CDH13: variants seen among roughly 807,000 people sequenced by gnomAD.
The protein encoded by CDH13 is cadherin-13.
CDH13 carries 24 observed loss-of-function variants against 63.8 expected under a neutral mutation model. The ratio of observed to expected loss-of-function variants is 0.38; its 90% CI spans 0.27 to 0.53. The LOEUF is 0.53. Ranked by LOEUF, CDH13 falls within the 20% of genes least tolerant of loss-of-function variation. CDH13 has a pLI of 0.85. For synonymous variants in CDH13, 503 were observed against 355.3 expected (o/e 1.42, Z -4.67); for missense variants, 1,049 against 903.1 (o/e 1.16, Z -2.07).
intron 7 of CDH13, among the ~76,000 whole-genome samples, chr16:83,503,009 C>G (rs1889617630): frequency 6.6e-6 from 1 of 152,184 alleles, no homozygotes; most frequent in Admixed American, 6.5e-5. Context: ...CACAGCGGAG[C>G]TCGTTGGTTA....
chr16:83,483,298 G>A (rs1431219165), intron 6 of CDH13, among the ~76,000 whole-genome samples: 8 of 152,238 alleles, frequency 5.3e-5, no homozygotes, highest in Non-Finnish European at 7.4e-5. Context: ...GCTTAAGACC[G>A]AGTTCACCTG....
At chr16:82,664,833 A>G (rs1912397815) in intron 1 of CDH13, among the ~76,000 whole-genome samples, 1 of 152,226 alleles carries the variant, frequency 6.6e-6, no homozygotes, top group African/African-American at 2.4e-5. Context: ...TATATTTGAT[A>G]CAGATATTGG....
Position 83,143,037 on chromosome 16 carries a change from G to C in CDH13, c.483+17536G>C, listed in dbSNP as rs551950892. ...GAAAATCGCTTGAACCCGGGAGGCG[G>C]AGGTTGCCATAAGCCAAGATCGTGC... On this transcript the variant is annotated intron_variant, in intron 4 of 13. Coordinates refer to ENST00000567109, the MANE Select transcript of CDH13 (RefSeq NM_001257.5). Among the ~76,000 whole-genome samples the C allele has an allele frequency of 1.7e-3, 254 of 152,264 alleles. 1 individual carries two copies. Among genetic ancestry groups the C allele is most frequent in the Non-Finnish European group, 2.7e-3 (186 of 68,032 alleles).
intron 7 of CDH13, among the ~76,000 whole-genome samples, chr16:83,534,758 A>C (rs1020554949): frequency 1.3e-5 from 2 of 152,186 alleles, no homozygotes; most frequent in African/African-American, 2.4e-5. Flanking sequence ...CTTCCTCACT[A>C]TTATGAGCAA....
chr16:83,199,233 G>T (rs544608421), intron 4 of CDH13, among the ~76,000 whole-genome samples: 7 of 152,350 alleles, frequency 4.6e-5, no homozygotes, highest in Non-Finnish European at 1.0e-4. Flanking sequence ...CTTGGGATGT[G>T]AGCATGCTTG....
intron 1 of CDH13, among the ~76,000 whole-genome samples, chr16:82,651,849 C>G (rs1331739144): frequency 6.6e-6 from 1 of 152,108 alleles, no homozygotes; most frequent in Admixed American, 6.6e-5. Flanking sequence ...GGTCTTGGAC[C>G]TTGGGATTTA....
chr16:82,786,725 A>C lies in CDH13; in HGVS notation c.46-71637A>C, dbSNP rs565739351. Among the ~76,000 whole-genome samples the C allele has an allele frequency of 2.8e-4, 39 of 139,194 alleles. 1 individual carries two copies. The highest frequency in any genetic ancestry group is 9.4e-4 in the African/African-American group (35 of 37,154). The allele number at this position is 139,194 out of a possible 152,430, so 91.3% of individuals were successfully genotyped here. ...TGTGTCCAAGCGTTCTCATTGTTCA[A>C]TTCCCACCTATGAGTGAGAACATGC... is the stretch of plus-strand genomic sequence containing the variant. On this transcript the variant is annotated intron_variant, in intron 1 of 13. Transcript: ENST00000567109.
chr16:82,847,686 C>T (rs1472488834), intron 1 of CDH13, among the ~76,000 whole-genome samples: 2 of 152,128 alleles, frequency 1.3e-5, no homozygotes, highest in Middle Eastern at 6.3e-3. Context: ...GTGAGGACAT[C>T]TTTAGGGGAC....
In CDH13 at chr16:83,627,406, C is replaced by T. The variant is rs147615317; in HGVS notation, c.1101+24812C>T. On this transcript the variant is annotated intron_variant, in intron 8 of 13. Transcript: ENST00000567109. ...ACAGCGAAGCAGAATTCCTGAGAGG[C>T]CTCTGATCTGAATAGTGCCAACTCC... 1.5e-4 allele frequency among the ~76,000 whole-genome samples: 23 copies of T among 152,314 alleles called. No individual in the cohort carries two copies. The East Asian group carries it at 4.4e-3, about 29-fold the overall frequency.
chr16:82,922,871 G>T (rs1409304628), intron 2 of CDH13, among the ~76,000 whole-genome samples: 2 of 152,086 alleles, frequency 1.3e-5, no homozygotes, highest in African/African-American at 4.8e-5. Context: ...GGGTATACAG[G>T]CCTACCTTGT....
intron 6 of CDH13, among the ~76,000 whole-genome samples, chr16:83,467,082 A>C (rs980254268): frequency 2.0e-5 from 3 of 152,160 alleles, no homozygotes; most frequent in African/African-American, 7.2e-5. Context: ...ATTTCTCCAT[A>C]AAATTTACTT....
chr16:82,686,935 A>T (rs1156553501), intron 1 of CDH13, among the ~76,000 whole-genome samples: 1 of 152,232 alleles, frequency 6.6e-6, no homozygotes, highest in Non-Finnish European at 1.5e-5. Flanking sequence ...TCTGTTTTTC[A>T]TCAAAATGCT....
chr16:83,409,322 A>G (rs944648433), intron 6 of CDH13, among the ~76,000 whole-genome samples: 1 of 152,082 alleles, frequency 6.6e-6, no homozygotes, highest in Non-Finnish European at 1.5e-5. Flanking sequence ...ATCCCCCAGC[A>G]CTCCTGGGCT....
chr16:82,748,143 C>G (rs2034259357), intron 1 of CDH13, among the ~76,000 whole-genome samples: 1 of 152,152 alleles, frequency 6.6e-6, no homozygotes, highest in Admixed American at 6.5e-5. Context: ...GACTCCCTGG[C>G]ATTTCAGCAT....
intron 3 of CDH13, among the ~76,000 whole-genome samples, chr16:83,066,288 A>T (rs2032003985): frequency 6.6e-6 from 1 of 152,198 alleles, no homozygotes; most frequent in African/African-American, 2.4e-5. Flanking sequence ...GCTTCCTAAG[A>T]CATGAGACTT....
intron 1 of CDH13, among the ~76,000 whole-genome samples, chr16:82,803,776 G>T (rs1234174788): frequency 8.6e-5 from 13 of 151,956 alleles, no homozygotes; most frequent in Non-Finnish European, 1.5e-5. Flanking sequence ...AAAATAGTCA[G>T]ACTAATAGAA....
intron 6 of CDH13, among the ~76,000 whole-genome samples, chr16:83,468,107 G>T (rs1487226890): frequency 1.3e-5 from 2 of 152,184 alleles, no homozygotes; most frequent in African/African-American, 4.8e-5. Flanking sequence ...TCACTGGCAT[G>T]ATGAGATCAA....
At chr16:83,661,885 T>C (rs1417378519) in intron 8 of CDH13, among the ~76,000 whole-genome samples, 1 of 152,184 alleles carries the variant, frequency 6.6e-6, no homozygotes, top group East Asian at 1.9e-4. Context: ...AGTGAATGTT[T>C]CCCTTTCTTG....
chr16:83,190,689 T>C (rs1269969200), intron 4 of CDH13, among the ~76,000 whole-genome samples: 1 of 152,220 alleles, frequency 6.6e-6, no homozygotes, highest in African/African-American at 2.4e-5. Flanking sequence ...CAAGTGCTAA[T>C]ACTCTGTCTC....
Sources: allele counts gnomAD v4.1 joint callset (sites outside exome capture counted in the v4.1 genomes callset), GRCh38; gene constraint gnomAD v4.1.1; transcripts MANE v1.5; gene names NCBI Gene and HGNC (gene_info 2026-07-23, HGNC 2026-07-21).